The following USP34 variants were observed in gnomAD, a reference collection of about 807,000 sequenced individuals.
USP34 encodes ubiquitin specific peptidase 34.
A neutral mutation model predicts 460.3 loss-of-function variants in USP34; 70 were observed. That is an observed-to-expected ratio of 0.15 (90% confidence interval 0.13 to 0.19). The LOEUF (loss-of-function observed/expected upper bound fraction) is 0.19. Ranked by LOEUF, USP34 falls within the 10% of genes least tolerant of loss-of-function variation. The pLI is 1.00. For synonymous variants in USP34, 1,647 were observed against 1,405.3 expected (o/e 1.17, Z -3.85); for missense variants, 3,985 against 4,236.2 (o/e 0.94, Z 1.65).
At chr2:61,466,363 T>TGTA (rs1331085009) in intron 1 of USP34, among the ~76,000 whole-genome samples, 3 of 152,068 alleles carry the variant, frequency 2.0e-5, no homozygotes, top group African/African-American at 7.2e-5. Flanking sequence ...AAGCGGAGGC[T>TGTA]GTAGTGACCC....
At position 61,238,194 on chromosome 2, in the gene USP34, C is replaced by A. The variant is rs751848220; in HGVS notation, c.6778-1805G>T. Among the ~76,000 whole-genome samples, 94 of 152,140 alleles carry A rather than the reference C, an allele frequency of 6.2e-4. 1 individual carries two copies. The highest frequency in any genetic ancestry group is 4.6e-4 in the Non-Finnish European group (31 of 68,036). On this transcript the variant is annotated intron_variant, in intron 53 of 79. Coordinates refer to ENST00000398571, the MANE Select transcript of USP34 (RefSeq NM_014709.4). ...TACAGGTGTGAGGCAACGTGCCCAGCCTTACCCTAGCTATTTTCTACCTAA... is the reference window on the plus strand; with the variant it reads ...TACAGGTGTGAGGCAACGTGCCCAGACTTACCCTAGCTATTTTCTACCTAA...
chr2:61,407,172 G>C (rs186552206), intron 2 of USP34, among the ~76,000 whole-genome samples: 68 of 152,274 alleles, frequency 4.5e-4, no homozygotes, highest in Non-Finnish European at 8.4e-4. Flanking sequence ...GATCGCTTAA[G>C]TCCAGGAGCT....
intron 51 of USP34, among the ~76,000 whole-genome samples, chr2:61,242,928 T>A (rs1404107189): frequency 1.3e-5 from 2 of 151,314 alleles, no homozygotes; most frequent in Non-Finnish European, 2.9e-5. Context: ...CTCACTGCAA[T>A]CTCCGCCTGG....
chr2:61,307,488 T>C (rs976611711), intron 27 of USP34, among the ~76,000 whole-genome samples: 1 of 151,904 alleles, frequency 6.6e-6, no homozygotes, highest in Non-Finnish European at 1.5e-5. Context: ...GAGACTTGGA[T>C]GTTAATAAGG....
At chr2:61,223,005 G>C in intron 64 of USP34, 55 bp downstream of exon 64, 2 of 1,471,630 alleles carry the variant, frequency 1.4e-6, no homozygotes, top group Non-Finnish European at 1.9e-6. Flanking sequence ...CCAGATTTCA[G>C]GGTATTCTTT....
In USP34 at chr2:61,221,558, C is replaced by T. The variant is rs751255980; in HGVS notation, c.7843G>A (p.Gly2615Ser). 1.2e-6 allele frequency: 2 copies of T among 1,613,962 alleles called. No individual in the cohort carries two copies. The highest frequency in any genetic ancestry group is 3.3e-5 in the Admixed American group (2 of 59,984). ...KLLTMLMEFA[G>S]GPPGMPPFAS... Reference sequence around the variant, plus strand: ...AAGGGAGGCATTCCTGGAGGTCCACCAGCAAACTCCATTAGCATAGTCAAC... The same window carrying T: ...AAGGGAGGCATTCCTGGAGGTCCACTAGCAAACTCCATTAGCATAGTCAAC... The change falls in exon 66 of 80, where the codon GGT becomes AGT. Residue 2615 changes from glycine to serine, a missense_variant. By Grantham distance (56) the Gly-to-Ser change is moderately conservative (BLOSUM62 0). Around this residue, in one of 14 missense-constraint regions of USP34, gnomAD observed 604 missense variants for 684.8 expected, o/e 0.88. Coordinates refer to ENST00000398571, the MANE Select transcript of USP34 (RefSeq NM_014709.4).
At chr2:61,255,443 C>T (rs1688699167) in intron 48 of USP34, among the ~76,000 whole-genome samples, 1 of 152,200 alleles carries the variant, frequency 6.6e-6, no homozygotes, top group Non-Finnish European at 1.5e-5. Flanking sequence ...ACTTGATTAT[C>T]TCCCTGAAAT....
chr2:61,381,924 T>C (rs1442002755), intron 6 of USP34, among the ~76,000 whole-genome samples: 3 of 152,142 alleles, frequency 2.0e-5, no homozygotes, highest in African/African-American at 7.2e-5. Flanking sequence ...AGTAATGATA[T>C]CCACAGTACA....
rs908553844 is a variant in USP34, at chr2:61,223,945, C to A, written c.7596-649G>T. On this transcript the variant is annotated intron_variant, in intron 62 of 79. Coordinates refer to ENST00000398571, the MANE Select transcript of USP34 (RefSeq NM_014709.4). The stretch of plus-strand genomic sequence containing the variant: ...AGAGCCAGTCTTGTTTCATTTGAAC[C>A]CCCATCCACTCAATATGAATTATTC... 2.6e-5 allele frequency among the ~76,000 whole-genome samples: 4 copies of A among 152,112 alleles called. No individual in the cohort carries two copies. In the East Asian group the frequency reaches 7.7e-4, roughly 29 times the overall value.
intron 1 of USP34, among the ~76,000 whole-genome samples, chr2:61,435,307 C>CAAAAAAAAAAAA (rs59158283): frequency 1.2e-4 from 5 of 40,954 alleles, no homozygotes; most frequent in East Asian, 7.5e-4. Context: ...GACCTTGTTT[C>CAAAAAAAAAAAA]AAAAAAAAAA....
At chr2:61,300,139 A>G (rs1690175622) in intron 29 of USP34, among the ~76,000 whole-genome samples, 1 of 152,218 alleles carries the variant, frequency 6.6e-6, no homozygotes, top group Admixed American at 6.5e-5. Flanking sequence ...AAAGAAACTT[A>G]TTAGGTATAA....
intron 53 of USP34, 151 bp from the exon 54 acceptor site, chr2:61,236,540 T>C (rs1309599478): frequency 1.6e-6 from 1 of 606,766 alleles, no homozygotes. Context: ...TTCCCAAGTA[T>C]ATTCATATAA....
Position 61,470,883 on chromosome 2 carries a change from GGGAGGGGGAGA to G in USP34, c.-202_-192del. ...GGAGGGGGCCGGCGGTCCCCGCAGC[GGGAGGGGGAGA>G]GGAGGGGAGCGAGGGGAGGTGCGCA... is the stretch of plus-strand genomic sequence containing the variant. On this transcript the variant is annotated 5_prime_UTR_variant, in exon 1 of 80. Coordinates refer to ENST00000398571, the MANE Select transcript of USP34 (RefSeq NM_014709.4). 2.9e-6 allele frequency: 1 copy of G among 345,064 alleles called. No individual in the cohort carries two copies. The highest frequency in any genetic ancestry group is 4.2e-5 in the South Asian group (1 of 23,760). 21.4% of individuals were successfully genotyped at this position (345,064 alleles called of 1,614,324 possible).
intron 41 of USP34, among the ~76,000 whole-genome samples, chr2:61,273,800 T>G (rs1689290985): frequency 6.6e-6 from 1 of 151,976 alleles, no homozygotes; most frequent in African/African-American, 2.4e-5. Context: ...AACAAATCAA[T>G]AAGATGAAAC....
chr2:61,322,399 C>A (rs1690952955), intron 21 of USP34, among the ~76,000 whole-genome samples: 1 of 152,050 alleles, frequency 6.6e-6, no homozygotes, highest in South Asian at 2.1e-4. Flanking sequence ...TTAAAGGATG[C>A]CCCAGTGTGG....
chr2:61,188,055 G>A lies in USP34; in HGVS notation c.*47C>T, dbSNP rs1226829929. ...TAAGCAAAACTTATACAAACAGCAT[G>A]GGGGTTGGGGGTGAGGGACTTAAAA... On this transcript the variant is annotated 3_prime_UTR_variant, in exon 80 of 80. Transcript: ENST00000398571. 11 of 1,564,788 alleles carry A rather than the reference G, an allele frequency of 7.0e-6. No homozygotes were observed. Among genetic ancestry groups the A allele is most frequent in the Non-Finnish European group, 9.5e-6 (11 of 1,157,938 alleles).
At chr2:61,366,357 A>G (rs1692441250) in intron 10 of USP34, among the ~76,000 whole-genome samples, 1 of 152,190 alleles carries the variant, frequency 6.6e-6, no homozygotes, top group African/African-American at 2.4e-5. Context: ...AGAATAAGAG[A>G]TTTGATGGAC....
chr2:61,300,822 A>C (rs1409572342), intron 29 of USP34, 129 bp downstream of exon 29: 14 of 642,854 alleles, frequency 2.2e-5, no homozygotes, highest in Non-Finnish European at 3.0e-5. Context: ...AAAAAAATGA[A>C]CAAAAAAAAA....
intron 10 of USP34, among the ~76,000 whole-genome samples, chr2:61,359,701 T>A (rs1479108707): frequency 6.7e-6 from 1 of 150,134 alleles, no homozygotes; most frequent in East Asian, 1.9e-4. Flanking sequence ...CATCCATTCA[T>A]GATAAAAACG....
Sources: gnomAD v4.1 joint callset for allele counts (sites outside exome capture counted in the v4.1 genomes callset) on GRCh38, gnomAD v4.1.1 for gene constraint, gnomAD v4.1.1 regional missense constraint, MANE v1.5 for transcripts, NCBI Gene and HGNC (gene_info 2026-07-23, HGNC 2026-07-21) for gene names.